The following GRID2 variants were observed in gnomAD, a reference collection of about 807,000 sequenced individuals.
GRID2 encodes the protein glutamate ionotropic receptor delta type subunit 2, also known as glutamate receptor ionotropic, delta-2.
In GRID2, 33 loss-of-function variants were observed where a neutral mutation model predicts 114.8. That is an observed-to-expected ratio of 0.29 (90% CI 0.22 to 0.38). The LOEUF (loss-of-function observed/expected upper bound fraction) is 0.38. Among genes scored for constraint, GRID2 ranks in the 10% least tolerant of loss-of-function variants. GRID2 has a pLI of 1.00. For synonymous variants in GRID2, 505 were observed against 449.9 expected, an observed-to-expected ratio of 1.12 and a Z score of -1.55; for missense variants, 1,184 against 1,257.7, an observed-to-expected ratio of 0.94 and a Z score of 0.89.
chr4:93,113,364 G>A (rs549448277), intron 4 of GRID2, among the ~76,000 whole-genome samples: 40 of 152,304 alleles, frequency 2.6e-4, no homozygotes, highest in African/African-American at 9.6e-4. Context: ...GGAAGAGGCA[G>A]ATCTGGGATT....
chr4:92,390,016 A>G (rs1173330240), intron 1 of GRID2, among the ~76,000 whole-genome samples: 2 of 152,134 alleles, frequency 1.3e-5, no homozygotes, highest in Admixed American at 6.6e-5. Flanking sequence ...AGGTTAGCAA[A>G]TCATGTTTAA....
At chr4:92,520,946 C>A (rs181540922) in intron 1 of GRID2, among the ~76,000 whole-genome samples, 27 of 152,032 alleles carry the variant, frequency 1.8e-4, no homozygotes, top group Admixed American at 1.7e-3. Context: ...AATGATGCCA[C>A]TTCCATTTTG....
chr4:92,418,987 T>C (rs928347510), intron 1 of GRID2, among the ~76,000 whole-genome samples: 4 of 152,162 alleles, frequency 2.6e-5, no homozygotes, highest in Admixed American at 2.6e-4. Context: ...CTCTTTCCTT[T>C]CTCTCGTCTC....
intron 1 of GRID2, among the ~76,000 whole-genome samples, chr4:92,589,872 A>G (rs1349827001): frequency 1.3e-5 from 2 of 152,154 alleles, no homozygotes; most frequent in Non-Finnish European, 2.9e-5. Flanking sequence ...AGCTTTTTAT[A>G]CCTATTATGT....
intron 12 of GRID2, among the ~76,000 whole-genome samples, chr4:93,501,357 G>T (rs1208003720): frequency 6.6e-6 from 1 of 151,954 alleles, no homozygotes; most frequent in Non-Finnish European, 1.5e-5. Flanking sequence ...ATTAGGAGGA[G>T]CCAAAATGAA....
At chr4:92,389,392 A>G (rs1039113452) in intron 1 of GRID2, among the ~76,000 whole-genome samples, 1 of 152,052 alleles carries the variant, frequency 6.6e-6, no homozygotes, top group Non-Finnish European at 1.5e-5. Flanking sequence ...CTGATATGAC[A>G]TGAATCTGAT....
chr4:92,766,466 G>A (rs1738272858), intron 2 of GRID2, among the ~76,000 whole-genome samples: 1 of 150,404 alleles, frequency 6.6e-6, no homozygotes, highest in Non-Finnish European at 1.5e-5. Flanking sequence ...GAACCCAGGA[G>A]GTGGAGCTTG....
At chr4:92,667,721 G>T (rs952207409) in intron 2 of GRID2, among the ~76,000 whole-genome samples, 1 of 151,414 alleles carries the variant, frequency 6.6e-6, no homozygotes, top group African/African-American at 2.4e-5. Context: ...ATACCCCCTA[G>T]AGTGAAAAAT....
At chr4:92,936,093 T>G (rs1487957687) in intron 2 of GRID2, among the ~76,000 whole-genome samples, 1 of 146,488 alleles carries the variant, frequency 6.8e-6, no homozygotes, top group East Asian at 2.2e-4. Context: ...AATGTTTATA[T>G]TGAAATGTTA....
chr4:92,408,631 T>A (rs1357946477), intron 1 of GRID2, among the ~76,000 whole-genome samples: 2 of 150,946 alleles, frequency 1.3e-5, no homozygotes, highest in African/African-American at 4.9e-5. Context: ...TTATTATTAT[T>A]TTTTTTTGTC....
intron 2 of GRID2, among the ~76,000 whole-genome samples, chr4:93,019,813 G>C (rs1286639386): frequency 6.6e-6 from 1 of 152,012 alleles, no homozygotes; most frequent in Non-Finnish European, 1.5e-5. Context: ...AGATATTAAA[G>C]GGTAACACAT....
At chr4:93,559,200 C>A (rs139882850) in intron 13 of GRID2, among the ~76,000 whole-genome samples, 1 of 152,052 alleles carries the variant, frequency 6.6e-6, no homozygotes, top group East Asian at 1.9e-4. Flanking sequence ...ACTAAAACAC[C>A]AAAAGCAATG....
intron 2 of GRID2, among the ~76,000 whole-genome samples, chr4:92,844,463 T>C (rs920710596): frequency 6.6e-6 from 1 of 151,862 alleles, no homozygotes; most frequent in Non-Finnish European, 1.5e-5. Flanking sequence ...AACTTGAACC[T>C]GGGAAGAGGA....
intron 14 of GRID2, among the ~76,000 whole-genome samples, chr4:93,724,620 C>A (rs187044682): frequency 6.6e-6 from 1 of 151,940 alleles, no homozygotes; most frequent in Non-Finnish European, 1.5e-5. Flanking sequence ...CGAAAAGAGA[C>A]GCTACATGAG....
chr4:92,399,168 A>C (rs1213531340), intron 1 of GRID2, among the ~76,000 whole-genome samples: 1 of 152,164 alleles, frequency 6.6e-6, no homozygotes, highest in Non-Finnish European at 1.5e-5. Flanking sequence ...GAACTCTGTG[A>C]ATGAGCTCAG....
chr4:92,709,269 T>C (rs1735100847), intron 2 of GRID2, among the ~76,000 whole-genome samples: 1 of 152,166 alleles, frequency 6.6e-6, no homozygotes, highest in African/African-American at 2.4e-5. Context: ...TAAAATTTAA[T>C]AGTAATTATT....
chr4:92,914,215 A>G (rs556781871), intron 2 of GRID2, among the ~76,000 whole-genome samples: 42 of 152,210 alleles, frequency 2.8e-4, no homozygotes, highest in African/African-American at 9.9e-4. Context: ...ATTTTCCCCA[A>G]TGTTAAACAG....
intron 1 of GRID2, among the ~76,000 whole-genome samples, chr4:92,428,573 C>A (rs541294905): frequency 6.6e-6 from 1 of 152,032 alleles, no homozygotes; most frequent in East Asian, 1.9e-4. Flanking sequence ...TCATAATTTT[C>A]TTTTTATTGA....
intron 8 of GRID2, among the ~76,000 whole-genome samples, chr4:93,308,752 A>G (rs987264591): frequency 6.6e-6 from 1 of 152,016 alleles, no homozygotes; most frequent in Admixed American, 6.5e-5. Context: ...CACCAATGCA[A>G]TAAGACTTTT....
Sources: gnomAD v4.1 joint callset for allele counts (sites outside exome capture counted in the v4.1 genomes callset) on GRCh38, gnomAD v4.1.1 for gene constraint, MANE v1.5 for transcripts, NCBI Gene and HGNC (gene_info 2026-07-23, HGNC 2026-07-21) for gene names.